Variants in GSTCD observed in about 807,000 individuals in gnomAD.
The protein encoded by GSTCD is glutathione S-transferase C-terminal domain-containing protein.
A neutral mutation model predicts 68.3 loss-of-function variants in GSTCD; 44 were observed. The ratio of observed to expected loss-of-function variants is 0.64; its 90% CI spans 0.51 to 0.83. The LOEUF (loss-of-function observed/expected upper bound fraction) is 0.83. Ranked by LOEUF, GSTCD falls within the 40% of genes least tolerant of loss-of-function variation. The pLI, the probability that GSTCD is intolerant of heterozygous loss-of-function variation, is 0.00. For synonymous variants in GSTCD, 273 were observed against 255.2 expected, an observed-to-expected ratio of 1.07 and a Z score of -0.67; for missense variants, 739 against 735.9, an observed-to-expected ratio of 1.00 and a Z score of -0.05.
intron 5 of GSTCD, among the ~76,000 whole-genome samples, chr4:105,768,458 G>T (rs1214561710): frequency 6.6e-6 from 1 of 152,034 alleles, no homozygotes; most frequent in East Asian, 1.9e-4. Context: ...AATTTGAAAG[G>T]ACCTTAGAGA....
At chr4:105,822,028 AT>A (rs1280892337) in intron 5 of GSTCD, among the ~76,000 whole-genome samples, 2 of 151,936 alleles carry the variant, frequency 1.3e-5, no homozygotes, top group Admixed American at 6.6e-5. Context: ...AGTATGTTTA[AT>A]TTTTTATCAA....
At chr4:105,713,065 A>G (rs1351903057) in intron 1 of GSTCD, among the ~76,000 whole-genome samples, 3 of 152,220 alleles carry the variant, frequency 2.0e-5, no homozygotes, top group Admixed American at 6.5e-5. Flanking sequence ...CATTTAAAAA[A>G]ACAAGCACAG....
chr4:105,804,930 A>G (rs1014019518), intron 5 of GSTCD, among the ~76,000 whole-genome samples: 1 of 152,024 alleles, frequency 6.6e-6, no homozygotes, highest in Non-Finnish European at 1.5e-5. Flanking sequence ...TCTGATAATG[A>G]TGGCTTGCAG....
At chr4:105,792,033 G>T (rs1237562999) in intron 5 of GSTCD, among the ~76,000 whole-genome samples, 1 of 152,068 alleles carries the variant, frequency 6.6e-6, no homozygotes, top group Non-Finnish European at 1.5e-5. Flanking sequence ...ACTTACAAAT[G>T]TAATATATGC....
chr4:105,778,483 T>C (rs914007407), intron 5 of GSTCD, among the ~76,000 whole-genome samples: 3 of 152,158 alleles, frequency 2.0e-5, no homozygotes, highest in African/African-American at 7.2e-5. Context: ...TATATATTAT[T>C]CTTCCTGTTT....
chr4:105,769,247 A>G (rs1177777613), intron 5 of GSTCD, among the ~76,000 whole-genome samples: 5 of 151,058 alleles, frequency 3.3e-5, no homozygotes, highest in African/African-American at 9.8e-5. Context: ...ACACACACAC[A>G]CACACACACA....
Position 105,726,677 on chromosome 4 carries a change from A to C in GSTCD, c.993A>C (p.Ala331=). The part of the protein sequence containing the change: ...RIQEVPGVKT[A]ASKCGIQFLH... The stretch of plus-strand genomic sequence containing the variant: ...AGGAAGTGCCAGGAGTAAAAACAGC[A>C]GCTTCTAAGTGTGGGATCCAATTTC... Residue 331 remains alanine, a synonymous_variant, in exon 4 of 12, where the codon GCA becomes GCC. Transcript: ENST00000515279. 1 of 1,614,000 alleles carries C rather than the reference A, an allele frequency of 6.2e-7. No individual in the cohort carries two copies. Among genetic ancestry groups the C allele is most frequent in the African/African-American group, 1.3e-5 (1 of 75,060 alleles).
rs575423780 is a variant in GSTCD at position 105,727,765 on chromosome 4, C to T, written c.1146+935C>T. On this transcript the variant is annotated intron_variant, in intron 4 of 11. Transcript: ENST00000515279. ...AGTTTGTTTTCAGTAGTACTAATTG[C>T]AAAGTTTTCAACAATGGGCTTTCCT... Among the ~76,000 whole-genome samples, 16 of 151,110 alleles carry T rather than the reference C, an allele frequency of 1.1e-4. No individual in the cohort carries two copies. The South Asian group carries it at 3.3e-3, about 32-fold the overall frequency.
At chr4:105,840,253 T>C (rs558485963) in intron 10 of GSTCD, 4 of 452,996 alleles carry the variant, frequency 8.8e-6, no homozygotes, top group South Asian at 4.7e-5. Flanking sequence ...ACAAACACCA[T>C]GAGGACAAAG....
At chr4:105,821,494 C>CTG (rs1295732974) in intron 5 of GSTCD, among the ~76,000 whole-genome samples, 2 of 151,822 alleles carry the variant, frequency 1.3e-5, no homozygotes, top group Non-Finnish European at 3.0e-5. Context: ...ATGAATCTGT[C>CTG]ATCACAAATG....
intron 5 of GSTCD, among the ~76,000 whole-genome samples, chr4:105,732,019 A>G (rs972667906): frequency 6.6e-6 from 1 of 152,248 alleles, no homozygotes; most frequent in African/African-American, 2.4e-5. Context: ...ATGTTGAACC[A>G]GCCTTGCATC....
chr4:105,778,655 A>G (rs113750301), intron 5 of GSTCD, among the ~76,000 whole-genome samples: 2,058 of 152,234 alleles, frequency 0.014, 60 homozygotes, highest in African/African-American at 0.047. Context: ...AAAACAATCA[A>G]GGGATATATA....
intron 5 of GSTCD, among the ~76,000 whole-genome samples, chr4:105,803,306 A>T (rs905030179): frequency 6.6e-6 from 1 of 152,134 alleles, no homozygotes; most frequent in Non-Finnish European, 1.5e-5. Context: ...TTGAATGTAG[A>T]AAATGTTAAA....
intron 5 of GSTCD, among the ~76,000 whole-genome samples, chr4:105,798,362 ACCT>A (rs751467189): frequency 8.6e-5 from 13 of 151,474 alleles, no homozygotes; most frequent in Non-Finnish European, 1.6e-4. Context: ...TGATATTGTG[ACCT>A]CCTCCTGTGA....
intron 5 of GSTCD, among the ~76,000 whole-genome samples, chr4:105,743,313 T>C (rs1271174167): frequency 6.6e-6 from 1 of 152,286 alleles, no homozygotes; most frequent in African/African-American, 2.4e-5. Context: ...TAATTATTTA[T>C]GTACATGTTT....
rs531565690 is a variant in GSTCD, at chr4:105,839,661, A to G, written c.1695+1772A>G. Among the ~76,000 whole-genome samples the G allele has an allele frequency of 1.5e-3, 221 of 152,188 alleles. 3 individuals are homozygous for G. Among genetic ancestry groups the G allele is most frequent in the East Asian group, 8.7e-3 (45 of 5,178 alleles). ...GTCTCAAGAAAAGAGAGAGAGAGAG[A>G]GGAGAGAAGAAAGAGAGGAGAAGAA... On this transcript the variant is annotated intron_variant, in intron 10 of 11. Coordinates refer to ENST00000515279, the MANE Select transcript of GSTCD (RefSeq NM_001370181.1).
At chr4:105,743,164 A>G (rs1031119155) in intron 5 of GSTCD, among the ~76,000 whole-genome samples, 3 of 151,810 alleles carry the variant, frequency 2.0e-5, no homozygotes, top group Non-Finnish European at 4.4e-5. Context: ...GTTAGCCAGG[A>G]TGGTCTCGAT....
intron 5 of GSTCD, among the ~76,000 whole-genome samples, chr4:105,820,307 A>G (rs1723224743): frequency 6.6e-6 from 1 of 151,488 alleles, no homozygotes. Context: ...CAAAGAAAAA[A>G]CTCATTTGCA....
intron 5 of GSTCD, among the ~76,000 whole-genome samples, chr4:105,791,305 A>C: frequency 6.6e-6 from 1 of 150,850 alleles, no homozygotes; most frequent in Non-Finnish European, 1.5e-5. Flanking sequence ...AGGCAGGAGA[A>C]TGGCGTGAAC....
Sources: allele counts gnomAD v4.1 joint callset (sites outside exome capture counted in the v4.1 genomes callset), GRCh38; gene constraint gnomAD v4.1.1; transcripts MANE v1.5; gene names NCBI Gene and HGNC (gene_info 2026-07-23, HGNC 2026-07-21).